CCZ1: variants seen among roughly 807,000 people sequenced by gnomAD.
CCZ1 encodes vacuolar fusion protein CCZ1 homolog.
A neutral mutation model predicts 57.8 loss-of-function variants in CCZ1; 19 were observed. That is an observed-to-expected ratio of 0.33 (90% CI 0.23 to 0.48). CCZ1 has a LOEUF of 0.48. Ranked by LOEUF, CCZ1 falls within the 20% of genes least tolerant of loss-of-function variation. The pLI, the probability that CCZ1 is intolerant of heterozygous loss-of-function variation, is 0.99. For synonymous variants in CCZ1, 81 were observed against 167.0 expected (o/e 0.49, Z 3.97); for missense variants, 200 against 492.0 (o/e 0.41, Z 5.61).
intron 1 of CCZ1, 94 bp downstream of exon 1, chr7:5,899,013 G>C: frequency 4.0e-6 from 1 of 248,040 alleles, no homozygotes; most frequent in Non-Finnish European, 6.6e-6. Flanking sequence ...CACTGACCTA[G>C]CCTGCATTGT....
intron 12 of CCZ1, among the ~76,000 whole-genome samples, chr7:5,920,469 G>GGTTTTTTTTTTT (rs1562546070): frequency 4.5e-5 from 1 of 22,146 alleles, no homozygotes; most frequent in African/African-American, 3.1e-4. Flanking sequence ...TTTCTCCCTG[G>GGTTTTTTTTTTT]CTTTTTTTTT....
chr7:5,911,336 C>T (rs937039724), intron 8 of CCZ1, among the ~76,000 whole-genome samples: 1 of 149,014 alleles, frequency 6.7e-6, no homozygotes, highest in African/African-American at 2.5e-5. Flanking sequence ...CTCCTGCTTT[C>T]CAAGTTTTTT....
rs1366648668 is a variant in CCZ1 at position 5,926,072 on chromosome 7, G to GCCTCAA, written c.*390_*395dup. 4.2e-4 allele frequency: 145 copies of GCCTCAA among 345,270 alleles called. No individual in the cohort carries two copies. The highest frequency in any genetic ancestry group is 2.9e-3 in the African/African-American group (132 of 45,836). The allele number at this position is 345,270 out of a possible 1,614,324, so 21.4% of individuals were successfully genotyped here. ...GGCTGGAATGCAATGGCTCACTGCA[G>GCCTCAA]CCTCAACCTCCTGAGCTCAAGCAAT... is the stretch of plus-strand genomic sequence containing the variant. On this transcript the variant is annotated 3_prime_UTR_variant, in exon 15 of 15. Coordinates refer to ENST00000325974, the MANE Select transcript of CCZ1 (RefSeq NM_015622.6).
chr7:5,909,429 C>T (rs1446964908), intron 7 of CCZ1, among the ~76,000 whole-genome samples: 1 of 150,386 alleles, frequency 6.6e-6, no homozygotes, highest in Non-Finnish European at 1.5e-5. Flanking sequence ...AGGCCAGGCA[C>T]AGTGGCTCAC....
intron 1 of CCZ1, among the ~76,000 whole-genome samples, chr7:5,899,334 G>GGTGTGTGTGTGTGTGTGTGT (rs869199583): frequency 2.4e-4 from 3 of 12,552 alleles, no homozygotes; most frequent in Non-Finnish European, 5.6e-4. Flanking sequence ...TCGGGAGGGG[G>GGTGTGTGTGTGTGTGTGTGT]GTGTGTGTGT....
intron 10 of CCZ1, among the ~76,000 whole-genome samples, chr7:5,914,618 A>G (rs1297151718): frequency 6.7e-6 from 1 of 148,680 alleles, no homozygotes; most frequent in East Asian, 2.2e-4. Context: ...GCTCATGCCT[A>G]TATCCCAACA....
At chr7:5,922,682 C>T (rs1374347592) in intron 12 of CCZ1, among the ~76,000 whole-genome samples, 1 of 151,514 alleles carries the variant, frequency 6.6e-6, no homozygotes, top group Middle Eastern at 3.4e-3. Flanking sequence ...TTAAAATGTT[C>T]ATCAGACTGC....
chr7:5,909,823 T>C (rs1471292334), intron 7 of CCZ1, among the ~76,000 whole-genome samples: 1 of 151,234 alleles, frequency 6.6e-6, no homozygotes, highest in Non-Finnish European at 1.5e-5. Context: ...CTAAGAATTA[T>C]GTTTAGGAAA....
chr7:5,912,030 T>G (rs1779050407), intron 9 of CCZ1, 108 bp downstream of exon 9: 5 of 1,581,612 alleles, frequency 3.2e-6, no homozygotes, highest in African/African-American at 1.4e-5. Context: ...CTCCGCTCAC[T>G]GCAACCTCCG....
rs1781708578 is a variant in CCZ1 at position 5,902,564 on chromosome 7, G to A, written c.439-97G>A. On this transcript the variant is annotated intron_variant, in intron 5 of 14. Coordinates refer to ENST00000325974, the MANE Select transcript of CCZ1 (RefSeq NM_015622.6). Reference sequence around the variant, plus strand: ...TGGAAAGAACTGGGAGATTTAATGAGCTGAATTAATAATCTAAAGGAAAAA... The same window carrying A: ...TGGAAAGAACTGGGAGATTTAATGAACTGAATTAATAATCTAAAGGAAAAA... The A allele has an allele frequency of 2.1e-6, 3 of 1,413,066 alleles. No homozygotes were observed. The Admixed American group carries it at 8.5e-5, about 40-fold the overall frequency. The allele number at this position is 1,413,066 out of a possible 1,614,324, so 87.5% of individuals were successfully genotyped here. A position where few individuals can be genotyped will look rare whatever the true frequency, so the allele number is the denominator to read the frequency against.
Position 5,900,347 on chromosome 7 carries a change from G to A in CCZ1, c.184G>A (p.Val62Ile). ...EVEKNEKIRN[V>I]GLCEAIVQFT... The stretch of plus-strand genomic sequence containing the variant: ...AGAAAAGAATGAGAAGATTAGAAAT[G>A]TCGGATTGTGTGAAGCTATTGTACA... Residue 62 changes from valine (V) to isoleucine (I), a missense_variant, in exon 2 of 15, where the codon GTC becomes ATC. Around this residue, in one of 5 missense-constraint regions of CCZ1, gnomAD observed 44 missense variants for 122.8 expected, o/e 0.36. Transcript: ENST00000325974. The A allele has an allele frequency of 6.4e-7, 1 of 1,573,390 alleles. No homozygotes were observed. Among genetic ancestry groups the A allele is most frequent in the South Asian group, 1.2e-5 (1 of 85,526 alleles).
At chr7:5,915,637 A>C (rs1433281610) in intron 10 of CCZ1, among the ~76,000 whole-genome samples, 1 of 150,614 alleles carries the variant, frequency 6.6e-6, no homozygotes, top group Non-Finnish European at 1.5e-5. Flanking sequence ...AGTCTCCAAG[A>C]CCATCCTCAC....
In CCZ1 at chr7:5,923,327, AAAG is replaced by A. The variant is rs1173658809; in HGVS notation, c.1107-54_1107-52del. ...AAGACTCCATCTCAAAAAAATTTTA[AAAG>A]AAGAATCTAGTTGTATCCGGCCCGA... is the stretch of plus-strand genomic sequence containing the variant. On this transcript the variant is annotated intron_variant, in intron 12 of 14. Transcript: ENST00000325974. 4.6e-5 allele frequency: 6 copies of A among 131,032 alleles called. No individual in the cohort carries two copies. In the East Asian group the frequency reaches 5.4e-4, roughly 12 times the overall value. 8.1% of individuals were successfully genotyped at this position (131,032 alleles called of 1,614,324 possible). A position where few individuals can be genotyped will look rare whatever the true frequency, so the allele number is the denominator to read the frequency against.
In CCZ1 at chr7:5,910,861, G is replaced by A. The variant is rs182484187; in HGVS notation, c.780+745G>A. On this transcript the variant is annotated intron_variant, in intron 8 of 14. Transcript: ENST00000325974. Reference sequence around the variant, plus strand: ...AACAATTCTCCGGCCTCAGGCTCCCGAGTAGCTGAGATTATAGGCACCTGC... The same window carrying A: ...AACAATTCTCCGGCCTCAGGCTCCCAAGTAGCTGAGATTATAGGCACCTGC... Among the ~76,000 whole-genome samples, 607 of 146,782 alleles carry A rather than the reference G, an allele frequency of 4.1e-3. 26 individuals carry two copies. Among genetic ancestry groups the A allele is most frequent in the Non-Finnish European group, 6.7e-3 (454 of 67,360 alleles).
Position 5,919,957 on chromosome 7 carries a change from G to A in CCZ1, c.1097G>A (p.Arg366Lys), listed in dbSNP as rs1562545817. 9 of 1,559,002 alleles carry A rather than the reference G, an allele frequency of 5.8e-6. 1 individual carries two copies. The highest frequency in any genetic ancestry group is 7.9e-6 in the Non-Finnish European group (9 of 1,138,558). Residue 366 changes from arginine to lysine, a missense_variant, in exon 12 of 15, where the codon AGG becomes AAG. Transcript: ENST00000325974. ...TGTGAACAGTTTAACATCAACAAGA[G>A]GATGTCCGGGTTTGTACTTTGCTTT... is the stretch of plus-strand genomic sequence containing the variant. ...DICEQFNINKRMSGSEKEPQF... is the reference protein window; with the variant it reads ...DICEQFNINKKMSGSEKEPQF...
Position 5,912,970 on chromosome 7 carries a change from C to T in CCZ1, c.954+16C>T. 1 of 1,608,020 alleles carries T rather than the reference C, an allele frequency of 6.2e-7. No homozygotes were observed. The highest frequency in any genetic ancestry group is 8.5e-7 in the Non-Finnish European group (1 of 1,177,428). On this transcript the variant is annotated intron_variant, in intron 10 of 14. Transcript: ENST00000325974. ...CGTTTATAAGGTAACAACTGTTTTCCTTCCAGCGTTAATGATTGTGCTGAA... is the reference window on the plus strand; with the variant it reads ...CGTTTATAAGGTAACAACTGTTTTCTTTCCAGCGTTAATGATTGTGCTGAA...
rs1480448055 is a variant in CCZ1, at chr7:5,924,541, T to A, written c.1393+579T>A. ...GAGCCACCTTGCCCAGCCCAAAATGTCCTTTTTTAATATCCTGTGATAAAA... is the reference window on the plus strand; with the variant it reads ...GAGCCACCTTGCCCAGCCCAAAATGACCTTTTTTAATATCCTGTGATAAAA... On this transcript the variant is annotated intron_variant, in intron 14 of 14. Coordinates refer to ENST00000325974, the MANE Select transcript of CCZ1 (RefSeq NM_015622.6). Among the ~76,000 whole-genome samples the A allele has an allele frequency of 7.9e-5, 9 of 113,850 alleles. 1 individual carries two copies. Among genetic ancestry groups the A allele is most frequent in the African/African-American group, 3.4e-4 (9 of 26,230 alleles). 74.7% of individuals were successfully genotyped at this position (113,850 alleles called of 152,430 possible).
At chr7:5,903,686 T>C (rs1781735893) in intron 6 of CCZ1, among the ~76,000 whole-genome samples, 1 of 146,236 alleles carries the variant, frequency 6.8e-6, no homozygotes, top group Admixed American at 6.7e-5. Context: ...CATTTAGACA[T>C]GATTTTAGTA....
intron 11 of CCZ1, 150 bp from the exon 12 acceptor site, chr7:5,919,693 TTCTATC>T (rs1352251547): frequency 1.1e-6 from 1 of 881,116 alleles, no homozygotes; most frequent in African/African-American, 1.7e-5. Context: ...GTAACCGGTT[TTCTATC>T]TTCTGTTTCT....
Sources: gnomAD v4.1 joint callset for allele counts (sites outside exome capture counted in the v4.1 genomes callset) on GRCh38, gnomAD v4.1.1 for gene constraint, gnomAD v4.1.1 regional missense constraint, MANE v1.5 for transcripts, NCBI Gene and HGNC (gene_info 2026-07-23, HGNC 2026-07-21) for gene names.